TXNDC11: variants seen among roughly 807,000 people sequenced by gnomAD.
TXNDC11 encodes thioredoxin domain-containing protein 11.
A neutral mutation model predicts 78.0 loss-of-function variants in TXNDC11; 68 were observed. The observed-to-expected ratio is 0.87, with a 90% CI of 0.72 to 1.07. The LOEUF (loss-of-function observed/expected upper bound fraction) is 1.07. Ranked by LOEUF, TXNDC11 falls within the 50% of genes least tolerant of loss-of-function variation. TXNDC11 has a pLI of 0.00. For synonymous variants in TXNDC11, 571 were observed against 495.2 expected (o/e 1.15, Z -2.03); for missense variants, 1,389 against 1,221.8 (o/e 1.14, Z -2.04).
chr16:11,737,195 C>T (rs1294006840), intron 1 of TXNDC11, among the ~76,000 whole-genome samples: 1 of 152,100 alleles, frequency 6.6e-6, no homozygotes, highest in Non-Finnish European at 1.5e-5. Flanking sequence ...CCTGTAATTC[C>T]AGCACTTTGG....
rs766106740 is a variant in TXNDC11 at position 11,679,623 on chromosome 16, G to A, written c.2449C>T (p.Leu817Phe). Residue 817 changes from leucine (L) to phenylalanine (F), a missense_variant, in exon 12 of 12, where the codon CTC becomes TTC. Coordinates refer to ENST00000283033, the MANE Select transcript of TXNDC11 (RefSeq NM_015914.7). This position sits in a 1 kb window ranked among gnomAD's most constrained non-coding sequence, Gnocchi z 4.6. ...IQKLRAEISS[L>F]QRAQVQVESQ... ...TCCACCTGCACTTGTGCTCGCTGGA[G>A]GCTGCTTATTTCTGCTCTCAGTTTC... 2.5e-5 allele frequency: 40 copies of A among 1,614,078 alleles called. No individual in the cohort carries two copies. In the African/African-American group the frequency reaches 4.8e-4, roughly 19 times the overall value.
intron 4 of TXNDC11, among the ~76,000 whole-genome samples, chr16:11,727,554 TTTTG>T (rs1302398907): frequency 3.3e-5 from 5 of 152,126 alleles, no homozygotes; most frequent in African/African-American, 4.8e-5. Context: ...TATAGGGTTT[TTTTG>T]TTTGTGTTTT....
rs758955998 is a variant in TXNDC11 at position 11,692,022 on chromosome 16, G to C, written c.1168C>G (p.Leu390Val). 5.8e-6 allele frequency: 9 copies of C among 1,560,070 alleles called. No individual in the cohort carries two copies. Among genetic ancestry groups the C allele is most frequent in the Non-Finnish European group, 7.8e-6 (9 of 1,153,066 alleles). Residue 390 changes from leucine to valine, a missense_variant, in exon 8 of 12, where the codon CTT (leucine) becomes GTT (valine). By Grantham distance (32) the Leu-to-Val change is conservative (BLOSUM62 1). Transcript: ENST00000283033. ...CHGDQVVERL[L>V]QHLRRVDAPV... ...GCATCCACCCGCCGCAGGTGCTGAA[G>C]GAGACGCTCCACCACCTGGTCCCCA...
In TXNDC11 at chr16:11,730,131, G is replaced by A. The variant is rs200759707; in HGVS notation, c.699+514C>T. Among the ~76,000 whole-genome samples the A allele has an allele frequency of 2.1e-3, 318 of 152,220 alleles. 1 individual carries two copies. Among genetic ancestry groups the A allele is most frequent in the Non-Finnish European group, 4.0e-3 (272 of 68,006 alleles). On this transcript the variant is annotated intron_variant, in intron 4 of 11. Transcript: ENST00000283033. ...AATAATTTACCAGGGGTTGAAGTTG[G>A]CAGTGGGGAAGCAGGAAAGAAGCTA... is the stretch of plus-strand genomic sequence containing the variant.
Position 11,688,312 on chromosome 16 carries a change from A to G in TXNDC11, c.2034T>C (p.Leu678=), listed in dbSNP as rs766192403. 8.7e-6 allele frequency: 14 copies of G among 1,613,388 alleles called. No homozygotes were observed. Among genetic ancestry groups the G allele is most frequent in the Admixed American group, 5.0e-5 (3 of 59,730 alleles). Reference sequence around the variant, plus strand: ...TCTCATGACTCCATACCTGTTTTTGAAGGACTACTTCCCAAAAGGTATCAG... The same window carrying G: ...TCTCATGACTCCATACCTGTTTTTGGAGGACTACTTCCCAAAAGGTATCAG... The part of the protein sequence containing the change: ...VTTDTFWEVV[L]QKQDVLLLYY... The change falls in exon 9 of 12, where the codon CTT becomes CTC. Residue 678 remains leucine, a synonymous_variant. Coordinates refer to ENST00000283033, the MANE Select transcript of TXNDC11 (RefSeq NM_015914.7).
chr16:11,700,072 A>C (rs1045143240), intron 6 of TXNDC11, among the ~76,000 whole-genome samples: 1 of 152,256 alleles, frequency 6.6e-6, no homozygotes, highest in Admixed American at 6.5e-5. Context: ...ATTACTACTC[A>C]TCATAAAAGA....
chr16:11,679,675 G>A lies in TXNDC11; in HGVS notation c.2397C>T (p.His799=). 1 of 1,614,194 alleles carries A rather than the reference G, an allele frequency of 6.2e-7. No homozygotes were observed. Among genetic ancestry groups the A allele is most frequent in the Non-Finnish European group, 8.5e-7 (1 of 1,180,038 alleles). ...LQSEAVLQRG[H]ISHLEREIQK... The stretch of plus-strand genomic sequence containing the variant: ...GGATCTCTCTCTCCAAGTGGGAGAT[G>A]TGCCCCCGCTGTAAGACTGCCTCGC... Residue 799 remains histidine (H), a synonymous_variant, in exon 12 of 12, where the codon CAC becomes CAT. Coordinates refer to ENST00000283033, the MANE Select transcript of TXNDC11 (RefSeq NM_015914.7). The surrounding 1 kb of genome is among the most constrained non-coding windows in gnomAD (Gnocchi z 4.6).
intron 6 of TXNDC11, among the ~76,000 whole-genome samples, chr16:11,698,727 T>G (rs1232296006): frequency 6.6e-6 from 1 of 152,112 alleles, no homozygotes; most frequent in Non-Finnish European, 1.5e-5. Context: ...CAAGGATCAT[T>G]TAGATTTTGA....
intron 5 of TXNDC11, among the ~76,000 whole-genome samples, chr16:11,715,216 AAAAAC>A (rs577849932): frequency 2.4e-4 from 37 of 152,306 alleles, no homozygotes; most frequent in South Asian, 1.9e-3. Flanking sequence ...CGGATGTCTC[AAAAAC>A]AAAACAAAAC....
chr16:11,701,298 A>G (rs543523457), intron 5 of TXNDC11, among the ~76,000 whole-genome samples: 2 of 151,732 alleles, frequency 1.3e-5, no homozygotes, highest in East Asian at 3.9e-4. Flanking sequence ...CACCACACCC[A>G]GCTAATTTTT....
At chr16:11,701,778 A>C (rs1275649839) in intron 5 of TXNDC11, among the ~76,000 whole-genome samples, 1 of 152,180 alleles carries the variant, frequency 6.6e-6, no homozygotes, top group Admixed American at 6.5e-5. Flanking sequence ...ATGAAAGTAA[A>C]GAAATGAGTA....
At position 11,679,561 on chromosome 16, in the gene TXNDC11, C is replaced by T. The variant is rs1239631717; in HGVS notation, c.2511G>A (p.Arg837=). ...CCAGGGCCCGCTGCTGCTGCCGCAG[C>T]CGGTGCTCATCTCTGCGGGCACTGG... ...QLSSARRDEH[R]LRQQQRALEE... is the part of the protein sequence containing the mutation. The change falls in exon 12 of 12, where the codon CGG becomes CGA. Residue 837 remains arginine, a synonymous_variant. Transcript: ENST00000283033. This position sits in a 1 kb window ranked among gnomAD's most constrained non-coding sequence, Gnocchi z 4.6. 8 of 1,613,728 alleles carry T rather than the reference C, an allele frequency of 5.0e-6. No homozygotes were observed. Among genetic ancestry groups the T allele is most frequent in the African/African-American group, 4.0e-5 (3 of 74,942 alleles).
At chr16:11,727,424 C>G (rs2051915561) in intron 4 of TXNDC11, among the ~76,000 whole-genome samples, 1 of 152,104 alleles carries the variant, frequency 6.6e-6, no homozygotes, top group African/African-American at 2.4e-5. Context: ...TTTAAACACA[C>G]TTGATACTGA....
At chr16:11,735,002 G>A (rs1283435491) in intron 2 of TXNDC11, among the ~76,000 whole-genome samples, 1 of 152,150 alleles carries the variant, frequency 6.6e-6, no homozygotes, top group Non-Finnish European at 1.5e-5. Context: ...AGTTCAAAAC[G>A]CCTGCCAAAC....
rs1358669049 is a variant in TXNDC11, at chr16:11,736,250, A to C, written c.255-17T>G. 22 of 1,564,894 alleles carry C rather than the reference A, an allele frequency of 1.4e-5. No individual in the cohort carries two copies. In the Admixed American group the frequency reaches 4.0e-4, roughly 29 times the overall value. On this transcript the variant is annotated splice_polypyrimidine_tract_variant and intron_variant, in intron 1 of 11. Coordinates refer to ENST00000283033, the MANE Select transcript of TXNDC11 (RefSeq NM_015914.7). ...TTTGCTCGACTAAAAAAGAGCAAAC[A>C]CAGAAAAGATTGCTTAGTTTATCTT...
chr16:11,702,031 A>G (rs1445503181), intron 5 of TXNDC11, among the ~76,000 whole-genome samples: 1 of 151,802 alleles, frequency 6.6e-6, no homozygotes, highest in African/African-American at 2.4e-5. Flanking sequence ...CAAAAAAAAA[A>G]AAAGAACTCA....
chr16:11,731,945 A>C (rs2052067340), intron 3 of TXNDC11, among the ~76,000 whole-genome samples: 1 of 152,184 alleles, frequency 6.6e-6, no homozygotes, highest in Non-Finnish European at 1.5e-5. Context: ...TCAAAAAAGC[A>C]TCTAACTTAT....
At chr16:11,709,389 A>G (rs1306055035) in intron 5 of TXNDC11, among the ~76,000 whole-genome samples, 1 of 144,834 alleles carries the variant, frequency 6.9e-6, no homozygotes, top group Non-Finnish European at 1.5e-5. Flanking sequence ...AGTAGCTGAG[A>G]TTACACCACC....
chr16:11,739,697 T>A (rs1162024385), intron 1 of TXNDC11, among the ~76,000 whole-genome samples: 1 of 151,876 alleles, frequency 6.6e-6, no homozygotes, highest in Admixed American at 6.6e-5. Context: ...TCCCTCTAAA[T>A]CAAGGTAAAA....
Sources: allele counts gnomAD v4.1 joint callset (sites outside exome capture counted in the v4.1 genomes callset), GRCh38; gene constraint gnomAD v4.1.1; non-coding constraint Gnocchi (gnomAD v3.1); transcripts MANE v1.5; gene names NCBI Gene and HGNC (gene_info 2026-07-23, HGNC 2026-07-21).